Variants in PDE1A observed in about 807,000 individuals in gnomAD.
The protein encoded by PDE1A is phosphodiesterase 1A.
In PDE1A, 35 loss-of-function variants were observed where a neutral mutation model predicts 61.7. The observed-to-expected ratio is 0.57, with a 90% confidence interval of 0.43 to 0.75. PDE1A has a LOEUF of 0.75. Among genes scored for constraint, PDE1A ranks in the 30% least tolerant of loss-of-function variants. The pLI is 0.00. For synonymous variants in PDE1A, 232 were observed against 213.2 expected, an observed-to-expected ratio of 1.09 and a Z score of -0.77; for missense variants, 597 against 630.6, an observed-to-expected ratio of 0.95 and a Z score of 0.57.
chr2:182,269,834 A>T (rs1692892489), intron 1 of PDE1A, among the ~76,000 whole-genome samples: 1 of 152,146 alleles, frequency 6.6e-6, no homozygotes, highest in Non-Finnish European at 1.5e-5. Context: ...ACAAGTGTAT[A>T]CCTGTGTCTG....
the PDE1A span, among the ~76,000 whole-genome samples, chr2:182,647,796 T>C: frequency 3.9e-5 from 6 of 152,172 alleles, no homozygotes; most frequent in Non-Finnish European, 7.4e-5. Flanking sequence ...GTAGAAAAAT[T>C]GGCTTTCGAA....
chr2:182,538,374 G>A, the PDE1A span, among the ~76,000 whole-genome samples: 1 of 152,144 alleles, frequency 6.6e-6, no homozygotes, highest in African/African-American at 2.4e-5. Context: ...TGCTCTACCA[G>A]TATTTGCTAG....
the PDE1A span, among the ~76,000 whole-genome samples, chr2:182,560,526 G>A: frequency 7.3e-5 from 11 of 150,894 alleles, no homozygotes; most frequent in East Asian, 3.9e-4. Context: ...ATAAACATAC[G>A]TGTGCATGTG....
exon 14 of PDE1A, chr2:182,168,127 A>G (rs945849955): frequency 1.1e-5 from 16 of 1,435,036 alleles, no homozygotes; most frequent in Non-Finnish European, 1.5e-5. Context: ...AGCAATCTGC[A>G]AAAATAGATT....
chr2:182,655,220 A>C, the PDE1A span, among the ~76,000 whole-genome samples: 1 of 152,168 alleles, frequency 6.6e-6, no homozygotes, highest in Non-Finnish European at 1.5e-5. Flanking sequence ...CTAGTCTCCC[A>C]TAATAAATCC....
intron 1 of PDE1A, among the ~76,000 whole-genome samples, chr2:182,386,562 C>T (rs1265049082): frequency 2.0e-5 from 3 of 146,378 alleles, no homozygotes; most frequent in Admixed American, 1.4e-4. Flanking sequence ...GGAGCCCCTC[C>T]GCCCAGCAGC....
At chr2:182,194,717 TAAG>T (rs1180194598) in intron 10 of PDE1A, among the ~76,000 whole-genome samples, 8 of 152,112 alleles carry the variant, frequency 5.3e-5, no homozygotes, top group Admixed American at 2.0e-4. Context: ...ATGGGATTTT[TAAG>T]AATAATACAA....
chr2:182,250,015 T>A lies in PDE1A; in HGVS notation c.168-9723A>T, dbSNP rs151260567. ...GTGCAAAGTCATTCAACCAGGAGTG[T>A]CCATGTCACATTTTTTGGTCATGTA... On this transcript the variant is annotated intron_variant, in intron 2 of 13. Coordinates refer to ENST00000351439, the Ensembl canonical transcript of PDE1A. Among the ~76,000 whole-genome samples the A allele has an allele frequency of 6.9e-4, 105 of 152,318 alleles. 2 individuals are homozygous for A. The South Asian group carries it at 0.019, about 27-fold the overall frequency.
chr2:182,657,263 A>AT, the PDE1A span, among the ~76,000 whole-genome samples: 5 of 152,082 alleles, frequency 3.3e-5, no homozygotes. Context: ...ATTACGTTAA[A>AT]TTTTTTCAAC....
Position 182,168,194 on chromosome 2 carries a change from T to A in PDE1A, c.*53A>T. The A allele has an allele frequency of 3.9e-6, 6 of 1,554,144 alleles. No individual in the cohort carries two copies. The South Asian group carries it at 7.5e-5, about 19-fold the overall frequency. The stretch of plus-strand genomic sequence containing the variant: ...AGCAAGCATAATCAAAATCTCCAAG[T>A]CTTTTGGTCAAATTAGAGCTGCCAC... On this transcript the variant is annotated 3_prime_UTR_variant, in exon 14 of 14. Coordinates refer to ENST00000351439, the Ensembl canonical transcript of PDE1A.
intron 2 of PDE1A, among the ~76,000 whole-genome samples, chr2:182,246,984 G>C (rs1006792162): frequency 2.0e-5 from 3 of 152,192 alleles, no homozygotes; most frequent in African/African-American, 7.2e-5. Flanking sequence ...ACCTTCATGA[G>C]TGGAGTAAGG....
intron 1 of PDE1A, among the ~76,000 whole-genome samples, chr2:182,301,130 T>G (rs1695214869): frequency 6.6e-6 from 1 of 152,180 alleles, no homozygotes; most frequent in African/African-American, 2.4e-5. Context: ...TGATATCTCC[T>G]TGAACTAAAG....
chr2:182,430,175 C>A (rs945796612), upstream of PDE1A, among the ~76,000 whole-genome samples: 20 of 151,016 alleles, frequency 1.3e-4, no homozygotes, highest in African/African-American at 4.9e-5. Flanking sequence ...AGGCAACCTA[C>A]AACATGGGAG....
chr2:182,408,508 A>G (rs1702430327), intron 1 of PDE1A, among the ~76,000 whole-genome samples: 1 of 152,208 alleles, frequency 6.6e-6, no homozygotes, highest in Non-Finnish European at 1.5e-5. Context: ...TCCCTTAGCC[A>G]TGGCCCTGAC....
chr2:182,425,449 G>A (rs1431809183), intron 1 of PDE1A, among the ~76,000 whole-genome samples: 1 of 151,716 alleles, frequency 6.6e-6, no homozygotes, highest in Non-Finnish European at 1.5e-5. Flanking sequence ...AAGTAGAGGG[G>A]GATAGTAATA....
At chr2:182,507,299 AAC>A (rs1345073847) in intron 2 of PDE1A, among the ~76,000 whole-genome samples, 1 of 152,220 alleles carries the variant, frequency 6.6e-6, no homozygotes, top group Non-Finnish European at 1.5e-5. Context: ...TGTGCAACAA[AAC>A]ACCGACAACT....
chr2:182,364,980 G>A (rs1360817407), intron 1 of PDE1A, among the ~76,000 whole-genome samples: 1 of 151,970 alleles, frequency 6.6e-6, no homozygotes, highest in African/African-American at 2.4e-5. Flanking sequence ...CCTAAAAACT[G>A]ACAGCTAATA....
At chr2:182,199,178 C>T (rs1415259577) in intron 10 of PDE1A, among the ~76,000 whole-genome samples, 1 of 151,920 alleles carries the variant, frequency 6.6e-6, no homozygotes, top group Non-Finnish European at 1.5e-5. Flanking sequence ...AATACAGGCT[C>T]TATAATGATA....
chr2:182,687,718 AC>A, the PDE1A span, among the ~76,000 whole-genome samples: 1 of 152,340 alleles, frequency 6.6e-6, no homozygotes, highest in Non-Finnish European at 1.5e-5. Context: ...AAGGTTTCAG[AC>A]AATTAAACTT....
Sources: gnomAD v4.1 joint callset for allele counts (sites outside exome capture counted in the v4.1 genomes callset) on GRCh38, gnomAD v4.1.1 for gene constraint, MANE v1.5 for transcripts, NCBI Gene and HGNC (gene_info 2026-07-23, HGNC 2026-07-21) for gene names.